DENND2B: variants seen among roughly 807,000 people sequenced by gnomAD.
DENND2B encodes the protein DENN domain-containing protein 2B.
DENND2B carries 32 observed loss-of-function variants against 116.0 expected under a neutral mutation model. The ratio of observed to expected loss-of-function variants is 0.28; its 90% CI spans 0.21 to 0.37. The LOEUF (loss-of-function observed/expected upper bound fraction) is 0.37, where lower values mean the gene tolerates loss of function less well. Among genes scored for constraint, DENND2B ranks in the 10% least tolerant of loss-of-function variants. The pLI is 1.00. For missense variants in DENND2B, 1,276 were observed against 1,477.7 expected (o/e 0.86, Z 2.24); for synonymous variants, 588 against 583.9 (o/e 1.01, Z -0.10).
Position 8,907,101 on chromosome 11 carries a change from A to G in DENND2B, c.-256+3720T>C, listed in dbSNP as rs574237781. Among the ~76,000 whole-genome samples the G allele has an allele frequency of 2.4e-4, 37 of 152,304 alleles. 1 individual carries two copies. In the South Asian group the frequency reaches 5.0e-3, roughly 20 times the overall value. On this transcript the variant is annotated intron_variant, in intron 1 of 22. Coordinates refer to the DENND2B transcript ENST00000534127. ...GTCTCTTTCCCCATTTCACAATTAAAGACCTCTTCCAACGCATCTCCTCCA... is the reference window on the plus strand; with the variant it reads ...GTCTCTTTCCCCATTTCACAATTAAGGACCTCTTCCAACGCATCTCCTCCA...
At chr11:8,896,012 T>C (rs777695670) in intron 1 of DENND2B, among the ~76,000 whole-genome samples, 5 of 152,106 alleles carry the variant, frequency 3.3e-5, no homozygotes, top group Non-Finnish European at 7.4e-5. Flanking sequence ...GTCACAAAAC[T>C]GAGGGATATA....
chr11:8,768,032 T>A (rs1351819725), intron 1 of DENND2B, among the ~76,000 whole-genome samples: 2 of 151,330 alleles, frequency 1.3e-5, no homozygotes, highest in Non-Finnish European at 2.9e-5. Context: ...GAGATCTAGA[T>A]CGAGCTGTTC....
intron 1 of DENND2B, among the ~76,000 whole-genome samples, chr11:8,807,193 G>T (rs2060943004): frequency 6.6e-6 from 1 of 152,204 alleles, no homozygotes; most frequent in Admixed American, 6.5e-5. Flanking sequence ...CGATGGAAAT[G>T]GGGACGTTTC....
intron 16 of DENND2B, among the ~76,000 whole-genome samples, chr11:8,698,541 C>G (rs1203411159): frequency 6.6e-6 from 1 of 152,196 alleles, no homozygotes; most frequent in African/African-American, 2.4e-5. Flanking sequence ...CAAACCTGTA[C>G]GTTACATAAC....
At chr11:8,793,831 G>A (rs1277322534) in intron 1 of DENND2B, among the ~76,000 whole-genome samples, 1 of 152,096 alleles carries the variant, frequency 6.6e-6, no homozygotes, top group Non-Finnish European at 1.5e-5. Flanking sequence ...CAATGTATGA[G>A]GATTCTAACT....
At chr11:8,827,898 A>G (rs1364575412) in intron 4 of DENND2B, among the ~76,000 whole-genome samples, 1 of 152,190 alleles carries the variant, frequency 6.6e-6, no homozygotes, top group Admixed American at 6.5e-5. Context: ...GCCAGCCACA[A>G]ACTTCCTTCC....
chr11:8,727,964 A>AACACACACAC (rs55688240), intron 3 of DENND2B, among the ~76,000 whole-genome samples: 1 of 138,680 alleles, frequency 7.2e-6, no homozygotes, highest in African/African-American at 2.8e-5. Context: ...ATTTTACACA[A>AACACACACAC]ACACACACAC....
chr11:8,776,881 C>G (rs1368972698), intron 1 of DENND2B, among the ~76,000 whole-genome samples: 2 of 152,110 alleles, frequency 1.3e-5, no homozygotes, highest in African/African-American at 2.4e-5. Context: ...CTTAGGGGTT[C>G]CTAGGCCTGA....
rs187785707 is a variant in DENND2B at position 8,747,095 on chromosome 11, T to C, written c.80+3526A>G. Among the ~76,000 whole-genome samples, 9 of 152,250 alleles carry C rather than the reference T, an allele frequency of 5.9e-5. No homozygotes were observed. In the East Asian group the frequency reaches 9.6e-4, roughly 16 times the overall value. On this transcript the variant is annotated intron_variant, in intron 2 of 19. Transcript: ENST00000313726. ...ACTCAAGTAGTACAACAGCCTATGC[T>C]CTAAGAGGCTGCTCTCCCATCTATC...
intron 1 of DENND2B, among the ~76,000 whole-genome samples, chr11:8,802,627 G>A (rs1187457765): frequency 1.3e-5 from 2 of 152,146 alleles, no homozygotes; most frequent in Admixed American, 1.3e-4. Context: ...ACACAGATTT[G>A]CGTCTGGGCA....
chr11:8,756,758 G>A (rs1456762717), intron 1 of DENND2B, among the ~76,000 whole-genome samples: 1 of 152,088 alleles, frequency 6.6e-6, no homozygotes. Flanking sequence ...CCTCATCTAT[G>A]CTTTTAGCCT....
intron 1 of DENND2B, among the ~76,000 whole-genome samples, chr11:8,807,287 G>A (rs1176787217): frequency 6.6e-6 from 1 of 152,230 alleles, no homozygotes; most frequent in African/African-American, 2.4e-5. Context: ...TGCCCCACAG[G>A]GAGGTGCTTC....
At chr11:8,767,568 A>G (rs532112726) in intron 1 of DENND2B, among the ~76,000 whole-genome samples, 1 of 152,238 alleles carries the variant, frequency 6.6e-6, no homozygotes, top group Non-Finnish European at 1.5e-5. Context: ...GAACTGGCAC[A>G]TAATTGGAGC....
At chr11:8,754,712 T>G (rs763522412) in intron 1 of DENND2B, among the ~76,000 whole-genome samples, 1 of 152,176 alleles carries the variant, frequency 6.6e-6, no homozygotes, top group Non-Finnish European at 1.5e-5. Flanking sequence ...GTGGTATATA[T>G]CAACACAATG....
chr11:8,703,081 C>T, intron 13 of DENND2B: 1 of 229,084 alleles, frequency 4.4e-6, no homozygotes, highest in Non-Finnish European at 8.7e-6. Context: ...TCCTGCCCAC[C>T]TCCCCAGACA....
intron 11 of DENND2B, among the ~76,000 whole-genome samples, chr11:8,710,035 C>T (rs1846725372): frequency 6.6e-6 from 1 of 152,174 alleles, no homozygotes; most frequent in African/African-American, 2.4e-5. Context: ...ATAAGTGTTT[C>T]TGAATGAATG....
At chr11:8,895,755 G>GT (rs1244708029) in intron 1 of DENND2B, among the ~76,000 whole-genome samples, 2 of 151,996 alleles carry the variant, frequency 1.3e-5, no homozygotes, top group African/African-American at 4.8e-5. Flanking sequence ...TATTTTGTGT[G>GT]TTTTTTTATT....
At chr11:8,869,613 G>C (rs1157236696) in intron 2 of DENND2B, among the ~76,000 whole-genome samples, 3 of 151,472 alleles carry the variant, frequency 2.0e-5, no homozygotes, top group Non-Finnish European at 4.4e-5. Context: ...AGTGAGCCGA[G>C]ATTGCGCCAC....
intron 1 of DENND2B, among the ~76,000 whole-genome samples, chr11:8,901,229 C>CTTTTTTTTTT (rs1555223231): frequency 1.2e-4 from 10 of 83,922 alleles, no homozygotes; most frequent in African/African-American, 1.9e-4. Flanking sequence ...CTTTTCTTTT[C>CTTTTTTTTTT]TTTTTTTTTT....
Sources: allele counts gnomAD v4.1 joint callset (sites outside exome capture counted in the v4.1 genomes callset), GRCh38; gene constraint gnomAD v4.1.1; transcripts MANE v1.5; gene names NCBI Gene and HGNC (gene_info 2026-07-23, HGNC 2026-07-21).